ARNT2: variants seen among roughly 807,000 people sequenced by gnomAD.
ARNT2 encodes ARNT protein 2.
A neutral mutation model predicts 91.7 loss-of-function variants in ARNT2; 36 were observed. That is an observed-to-expected ratio of 0.39 (90% CI 0.30 to 0.52). The LOEUF is 0.52. ARNT2 is among the 20% of genes least tolerant of loss of function. The pLI is 0.72. For missense variants in ARNT2, 775 were observed against 939.3 expected (o/e 0.83, Z 2.29); for synonymous variants, 365 against 347.1 (o/e 1.05, Z -0.57).
At position 80,576,809 on chromosome 15, in the gene ARNT2, T is replaced by C. The variant is rs956330456; in HGVS notation, c.1514-57T>C. 6 of 1,588,442 alleles carry C rather than the reference T, an allele frequency of 3.8e-6. No homozygotes were observed. In the East Asian group the frequency reaches 1.3e-4, roughly 36 times the overall value. On this transcript the variant is annotated intron_variant, in intron 14 of 18. Transcript: ENST00000303329. Reference sequence around the variant, plus strand: ...TGCACCTCTTCTTGGGGCAGCCTCCTCTGTGGTCTGCAGAGCAGGGAACCT... The same window carrying C: ...TGCACCTCTTCTTGGGGCAGCCTCCCCTGTGGTCTGCAGAGCAGGGAACCT...
At chr15:80,508,566 C>T (rs1214859008) in intron 6 of ARNT2, among the ~76,000 whole-genome samples, 1 of 152,210 alleles carries the variant, frequency 6.6e-6, no homozygotes, top group Non-Finnish European at 1.5e-5. Context: ...CCAATCCAAC[C>T]TCTCCAAGAT....
At position 80,539,313 on chromosome 15, in the gene ARNT2, G is replaced by T. The variant is rs116761090; in HGVS notation, c.878-11886G>T. 6.4e-3 allele frequency among the ~76,000 whole-genome samples: 975 copies of T among 152,198 alleles called. 11 individuals carry two copies. The highest frequency in any genetic ancestry group is 0.022 in the African/African-American group (931 of 41,540). On this transcript the variant is annotated intron_variant, in intron 8 of 18. Transcript: ENST00000303329. ...AGAAATACATACTAATGACAAAAAT[G>T]CTTGGGTGGTTTATCATTAGGAAAT...
rs1226677427 is a variant in ARNT2, at chr15:80,551,223, C to T, written c.902C>T (p.Ala301Val). The change falls in exon 9 of 19, where the codon GCT becomes GTT. Residue 301 changes from alanine to valine, a missense_variant. Physicochemically the swap from Ala to Val is moderately conservative, Grantham distance 64 (BLOSUM62 0). This residue lies in a region of ARNT2 where 285 missense variants were observed against 327.2 expected (regional missense o/e 0.87). Coordinates refer to ENST00000303329, the MANE Select transcript of ARNT2 (RefSeq NM_014862.4). ...PAGMTIPEED[A>V]DVGQGSKYCL... ...GGAATGACCATACCTGAAGAAGACGCTGATGTGGGACAAGGCAGTAAATAT... is the reference window on the plus strand; with the variant it reads ...GGAATGACCATACCTGAAGAAGACGTTGATGTGGGACAAGGCAGTAAATAT... 6.2e-7 allele frequency: 1 copy of T among 1,613,990 alleles called. No individual in the cohort carries two copies.
At chr15:80,508,876 C>T (rs1470959527) in intron 6 of ARNT2, among the ~76,000 whole-genome samples, 3 of 152,120 alleles carry the variant, frequency 2.0e-5, no homozygotes, top group African/African-American at 4.8e-5. Flanking sequence ...TTTGCCATGT[C>T]GTTGAAGAAG....
chr15:80,541,335 A>G (rs1897902212), intron 8 of ARNT2, among the ~76,000 whole-genome samples: 1 of 151,972 alleles, frequency 6.6e-6, no homozygotes, highest in African/African-American at 2.4e-5. Context: ...TAATGGGGTT[A>G]TTTGGTTTTT....
chr15:80,578,960 G>A (rs1351902914), intron 15 of ARNT2, among the ~76,000 whole-genome samples: 1 of 152,204 alleles, frequency 6.6e-6, no homozygotes, highest in Non-Finnish European at 1.5e-5. Context: ...GCAGAATGGT[G>A]TTGCTGGCAC....
chr15:80,487,306 G>A (rs1454421922), intron 5 of ARNT2, among the ~76,000 whole-genome samples: 4 of 152,228 alleles, frequency 2.6e-5, no homozygotes, highest in African/African-American at 9.6e-5. Context: ...CATGCGCACA[G>A]CAGCAGAGCT....
chr15:80,532,155 C>T (rs912929630), intron 8 of ARNT2, among the ~76,000 whole-genome samples: 1 of 152,210 alleles, frequency 6.6e-6, no homozygotes, highest in African/African-American at 2.4e-5. Flanking sequence ...TCCTATTTCA[C>T]ACATAATAAC....
chr15:80,413,653 A>G (rs1895722938), intron 1 of ARNT2, among the ~76,000 whole-genome samples: 2 of 152,230 alleles, frequency 1.3e-5, no homozygotes, highest in South Asian at 4.1e-4. Context: ...TAGGTGGCAA[A>G]AGGAAAGACT....
rs1410333490 is a variant in ARNT2, at chr15:80,597,495, G to C, written c.*3797G>C. On this transcript the variant is annotated 3_prime_UTR_variant, in exon 19 of 19. Coordinates refer to ENST00000303329, the MANE Select transcript of ARNT2 (RefSeq NM_014862.4). ...CATTCACCTTTTCTTTGACCATCTG[G>C]AGTCTGGGGCAACTTAAGGAGGCAC... 1 of 323,186 alleles carries C rather than the reference G, an allele frequency of 3.1e-6. No individual in the cohort carries two copies. Among genetic ancestry groups the C allele is most frequent in the African/African-American group, 2.2e-5 (1 of 46,022 alleles). 20.0% of individuals were successfully genotyped at this position (323,186 alleles called of 1,614,324 possible). A position where few individuals can be genotyped will look rare whatever the true frequency, so the allele number is the denominator to read the frequency against.
At chr15:80,592,021 T>A (rs1259506049) in intron 18 of ARNT2, among the ~76,000 whole-genome samples, 1 of 152,124 alleles carries the variant, frequency 6.6e-6, no homozygotes, top group Non-Finnish European at 1.5e-5. Flanking sequence ...GGGTCTCTCC[T>A]AAGAGCTGCA....
chr15:80,449,449 C>G (rs1896355165), intron 1 of ARNT2, among the ~76,000 whole-genome samples: 1 of 152,038 alleles, frequency 6.6e-6, no homozygotes, highest in Admixed American at 6.5e-5. Flanking sequence ...GCTTTTAATA[C>G]TGTCTAGCTG....
chr15:80,563,836 G>C (rs946818071), intron 12 of ARNT2, among the ~76,000 whole-genome samples: 2 of 152,188 alleles, frequency 1.3e-5, no homozygotes, highest in African/African-American at 4.8e-5. Context: ...ACCACTTCCT[G>C]GCTGTGCGTC....
chr15:80,505,889 T>C (rs1004196766), intron 5 of ARNT2, among the ~76,000 whole-genome samples: 2 of 148,804 alleles, frequency 1.3e-5, no homozygotes, highest in African/African-American at 5.0e-5. Context: ...AAGAGAGGTC[T>C]GGCTGTGTTA....
At chr15:80,546,691 G>A (rs1238089631) in intron 8 of ARNT2, among the ~76,000 whole-genome samples, 7 of 152,180 alleles carry the variant, frequency 4.6e-5, no homozygotes, top group Non-Finnish European at 7.3e-5. Flanking sequence ...ATGGCTGGGC[G>A]CGGTGGCTCA....
At chr15:80,551,137 C>T (rs983325778) in intron 8 of ARNT2, 62 bp from the exon 9 acceptor site, 1 of 1,518,992 alleles carries the variant, frequency 6.6e-7, no homozygotes, top group Non-Finnish European at 9.1e-7. Context: ...ATCGTGGACA[C>T]TTTTCTTCTT....
At chr15:80,574,918 G>C (rs1485238831) in intron 13 of ARNT2, 69 bp from the exon 14 acceptor site, 1 of 1,539,420 alleles carries the variant, frequency 6.5e-7, no homozygotes, top group African/African-American at 1.4e-5. Context: ...AGAGCTGGTG[G>C]CTCCTGGGGA....
chr15:80,473,898 A>T (rs769097952), intron 4 of ARNT2, among the ~76,000 whole-genome samples: 4 of 152,178 alleles, frequency 2.6e-5, no homozygotes, highest in Non-Finnish European at 5.9e-5. Context: ...TTCACATAAG[A>T]TTACATTCAA....
intron 11 of ARNT2, among the ~76,000 whole-genome samples, chr15:80,562,301 A>T (rs926876700): frequency 6.6e-6 from 1 of 152,146 alleles, no homozygotes; most frequent in African/African-American, 2.4e-5. Context: ...TTTCAATAGA[A>T]CAAAGGGGAG....
Sources: allele counts gnomAD v4.1 joint callset (sites outside exome capture counted in the v4.1 genomes callset), GRCh38; gene constraint gnomAD v4.1.1; regional missense constraint gnomAD v4.1.1; transcripts MANE v1.5; gene names NCBI Gene and HGNC (gene_info 2026-07-23, HGNC 2026-07-21).